XKR9: variants seen among roughly 807,000 people sequenced by gnomAD.
XKR9 encodes the protein XK-related protein 9.
In XKR9, 32 loss-of-function variants were observed where a neutral mutation model predicts 32.0. That is an observed-to-expected ratio of 1.00 (90% CI 0.76 to 1.34). The LOEUF is 1.34. Ranked by LOEUF, XKR9 falls within the 40% of genes most tolerant of loss-of-function variation. The pLI is 0.00. For missense variants in XKR9, 546 were observed against 429.7 expected (o/e 1.27, Z -2.39); for synonymous variants, 168 against 143.4 (o/e 1.17, Z -1.22).
At chr8:70,696,835 T>A (rs920413580) in intron 3 of XKR9, among the ~76,000 whole-genome samples, 4 of 151,470 alleles carry the variant, frequency 2.6e-5, no homozygotes, top group African/African-American at 4.8e-5. Flanking sequence ...TTCTTCCGTT[T>A]GTTTGTATCC....
At chr8:70,967,260 G>A in the XKR9 span, among the ~76,000 whole-genome samples, 5 of 151,778 alleles carry the variant, frequency 3.3e-5, no homozygotes, top group African/African-American at 1.2e-4. Context: ...TAGTAGAGAC[G>A]GGGTTTCACC....
the XKR9 span, among the ~76,000 whole-genome samples, chr8:70,881,593 G>C: frequency 1.3e-5 from 2 of 152,054 alleles, no homozygotes; most frequent in African/African-American, 4.8e-5. Context: ...TAGAATGGCA[G>C]TCATTAAAAA....
chr8:70,708,891 A>G (rs1805813873), intron 4 of XKR9, among the ~76,000 whole-genome samples: 2 of 152,150 alleles, frequency 1.3e-5, no homozygotes, highest in South Asian at 4.1e-4. Context: ...GCTGGTATCA[A>G]TTCTACAGAA....
chr8:70,797,516 T>A, the XKR9 span, among the ~76,000 whole-genome samples: 1 of 152,164 alleles, frequency 6.6e-6, no homozygotes, highest in Non-Finnish European at 1.5e-5. Context: ...ATATAATCTT[T>A]AACTTTTAGC....
the XKR9 span, among the ~76,000 whole-genome samples, chr8:71,009,804 G>A: frequency 2.0e-5 from 3 of 152,162 alleles, no homozygotes; most frequent in Admixed American, 6.5e-5. Context: ...ACTTGGACTT[G>A]TTTAAACAAT....
At chr8:70,680,220 G>A (rs1343403603) in intron 2 of XKR9, among the ~76,000 whole-genome samples, 1 of 152,082 alleles carries the variant, frequency 6.6e-6, no homozygotes, top group Non-Finnish European at 1.5e-5. Context: ...TTTAAAGGCT[G>A]CATGGTGTAT....
chr8:70,973,765 T>C, the XKR9 span, among the ~76,000 whole-genome samples: 2 of 152,194 alleles, frequency 1.3e-5, no homozygotes, highest in African/African-American at 4.8e-5. Flanking sequence ...TGTATTTGTA[T>C]AGTTTTGAAG....
At chr8:70,805,871 T>G in the XKR9 span, among the ~76,000 whole-genome samples, 1 of 151,910 alleles carries the variant, frequency 6.6e-6, no homozygotes, top group Non-Finnish European at 1.5e-5. Context: ...TGCTTCCCCC[T>G]AGTGAAGCAC....
At chr8:71,060,508 G>T in the XKR9 span, among the ~76,000 whole-genome samples, 1 of 152,142 alleles carries the variant, frequency 6.6e-6, no homozygotes, top group Non-Finnish European at 1.5e-5. Context: ...TATTGGCTGG[G>T]TACCCCTCCT....
rs1416829316 is a variant in XKR9, at chr8:70,706,934, T to C, written c.274T>C (p.Tyr92His). 6.2e-7 allele frequency: 1 copy of C among 1,608,392 alleles called. No homozygotes were observed. The highest frequency in any genetic ancestry group is 1.7e-4 in the Middle Eastern group (1 of 6,034). ...HCLQGGVFTR[Y>H]WFALKRGYHA... ...GAAATGTTTATGTTTACTTTATAGGTATTGGTTTGCCTTAAAAAGGGGTTA... is the reference window on the plus strand; with the variant it reads ...GAAATGTTTATGTTTACTTTATAGGCATTGGTTTGCCTTAAAAAGGGGTTA... The change falls in exon 4 of 5, where the codon TAT becomes CAT. Residue 92 changes from tyrosine (Y) to histidine (H), a missense_variant and splice_region_variant. Physicochemically the swap from Tyr to His is moderately conservative, Grantham distance 83. Transcript: ENST00000408926.
chr8:70,904,951 C>T, the XKR9 span, among the ~76,000 whole-genome samples: 5 of 152,316 alleles, frequency 3.3e-5, no homozygotes, highest in East Asian at 9.6e-4. Flanking sequence ...TATTGGCCCC[C>T]ACTCTCTTCT....
the XKR9 span, among the ~76,000 whole-genome samples, chr8:70,944,104 T>C: frequency 6.6e-6 from 1 of 152,038 alleles, no homozygotes; most frequent in Non-Finnish European, 1.5e-5. Flanking sequence ...TATGTTAAAC[T>C]TGTGCTTCTC....
the XKR9 span, among the ~76,000 whole-genome samples, chr8:70,801,924 TTTTCTTTTTC>T: frequency 6.6e-6 from 1 of 151,906 alleles, no homozygotes; most frequent in Non-Finnish European, 1.5e-5. Flanking sequence ...ATGCTCTTCT[TTTTCTTTTTC>T]TTTCTTTTTT....
At chr8:70,831,289 TCAAA>T in the XKR9 span, among the ~76,000 whole-genome samples, 1 of 72,116 alleles carries the variant, frequency 1.4e-5, no homozygotes, top group African/African-American at 5.3e-5. Flanking sequence ...AGACTCTGTC[TCAAA>T]AAAAAAAAAA....
intron 3 of XKR9, among the ~76,000 whole-genome samples, chr8:70,695,458 G>A (rs991541779): frequency 2.2e-4 from 33 of 151,500 alleles, no homozygotes; most frequent in Admixed American, 6.6e-5. Flanking sequence ...ATAGTTTACT[G>A]AGAATGACGG....
the XKR9 span, among the ~76,000 whole-genome samples, chr8:71,051,898 A>G: frequency 6.6e-6 from 1 of 152,212 alleles, no homozygotes; most frequent in Non-Finnish European, 1.5e-5. Flanking sequence ...ATCAGTTTCC[A>G]CAGTAAAACC....
chr8:70,876,102 A>G, the XKR9 span, among the ~76,000 whole-genome samples: 417 of 152,282 alleles, frequency 2.7e-3, 1 homozygote, highest in Non-Finnish European at 4.1e-3. Context: ...AAAGCATAAC[A>G]TATCAGAACT....
the XKR9 span, among the ~76,000 whole-genome samples, chr8:70,819,049 A>G: frequency 3.3e-5 from 5 of 151,638 alleles, no homozygotes; most frequent in Middle Eastern, 3.2e-3. Context: ...ACACCATTTC[A>G]TAACTGTTTA....
At chr8:70,827,138 T>C in the XKR9 span, among the ~76,000 whole-genome samples, 1 of 152,158 alleles carries the variant, frequency 6.6e-6, no homozygotes, top group Non-Finnish European at 1.5e-5. Flanking sequence ...AACATAAAAC[T>C]CTCTTTGATG....
Sources: gnomAD v4.1 joint callset for allele counts (sites outside exome capture counted in the v4.1 genomes callset) on GRCh38, gnomAD v4.1.1 for gene constraint, MANE v1.5 for transcripts, NCBI Gene and HGNC (gene_info 2026-07-23, HGNC 2026-07-21) for gene names.